SRPK2: variants seen among roughly 807,000 people sequenced by gnomAD.
SRPK2 encodes SRSF protein kinase 2.
A neutral mutation model predicts 90.8 loss-of-function variants in SRPK2; 21 were observed. The observed-to-expected ratio is 0.23, with a 90% confidence interval of 0.16 to 0.33. SRPK2 has a LOEUF of 0.33. SRPK2 is among the 10% of genes least tolerant of loss of function. The pLI, the probability that SRPK2 is intolerant of heterozygous loss-of-function variation, is 1.00. For synonymous variants in SRPK2, 288 were observed against 311.1 expected (o/e 0.93, Z 0.78); for missense variants, 620 against 869.0 (o/e 0.71, Z 3.60).
intron 1 of SRPK2, among the ~76,000 whole-genome samples, chr7:105,397,399 G>A (rs946978255): frequency 2.0e-5 from 3 of 146,398 alleles, no homozygotes; most frequent in African/African-American, 7.6e-5. Context: ...GCATGATCTC[G>A]CCTCACTGCA....
intron 2 of SRPK2, among the ~76,000 whole-genome samples, chr7:105,245,320 A>T (rs551559504): frequency 6.6e-6 from 1 of 152,144 alleles, no homozygotes; most frequent in South Asian, 2.1e-4. Context: ...TGCAGGGGAC[A>T]TGGCATCTTC....
In SRPK2 at chr7:105,143,383, T is replaced by G. The variant is rs1014023562; in HGVS notation, c.814-53A>C. On this transcript the variant is annotated intron_variant, in intron 9 of 15. Coordinates refer to ENST00000393651, the MANE Select transcript of SRPK2 (RefSeq NM_182692.3). ...TATTCTTCTTTTTAAAGCACCACGA[T>G]AGTATAACGACTAGCAGCATGGCAA... The G allele has an allele frequency of 1.9e-6, 3 of 1,576,894 alleles. No homozygotes were observed. In the Admixed American group the frequency reaches 5.6e-5, roughly 29 times the overall value.
chr7:105,145,124 A>T (rs957281293), intron 9 of SRPK2, among the ~76,000 whole-genome samples, 159 bp downstream of exon 9: 1 of 152,074 alleles, frequency 6.6e-6, no homozygotes, highest in African/African-American at 2.4e-5. Context: ...AAAAAAAAAA[A>T]AAATTAACAA....
chr7:105,378,097 T>C (rs1296153957), intron 2 of SRPK2, among the ~76,000 whole-genome samples: 1 of 152,056 alleles, frequency 6.6e-6, no homozygotes, highest in Non-Finnish European at 1.5e-5. Context: ...CCAGCCCTAC[T>C]AACCTGCTTG....
intron 15 of SRPK2, among the ~76,000 whole-genome samples, chr7:105,120,408 A>G (rs1335513470): frequency 6.6e-6 from 1 of 152,246 alleles, no homozygotes; most frequent in Non-Finnish European, 1.5e-5. Context: ...TAACAGCTGC[A>G]TAGTAACAGT....
upstream of SRPK2, chr7:105,389,394 C>T (rs766180692): frequency 8.0e-7 from 1 of 1,247,060 alleles, no homozygotes; most frequent in Non-Finnish European, 1.0e-6. Flanking sequence ...TCCTCTCCGG[C>T]AGGCGTGGAA....
intron 2 of SRPK2, among the ~76,000 whole-genome samples, chr7:105,291,875 T>C (rs1051244638): frequency 3.3e-5 from 5 of 152,208 alleles, no homozygotes; most frequent in South Asian, 2.1e-4. Flanking sequence ...AAGTTAGGGA[T>C]TGACTATTTT....
chr7:105,241,538 T>C (rs1028515527), intron 2 of SRPK2, among the ~76,000 whole-genome samples: 2 of 152,158 alleles, frequency 1.3e-5, no homozygotes, highest in Non-Finnish European at 2.9e-5. Context: ...GTGAGCATTA[T>C]CATCTTTATT....
chr7:105,167,594 T>A (rs1790239606), intron 5 of SRPK2, 130 bp from the exon 6 acceptor site: 1 of 508,428 alleles, frequency 2.0e-6, no homozygotes, highest in African/African-American at 2.0e-5. Flanking sequence ...TTATAAAAAA[T>A]AAACTTTATT....
At position 105,319,061 on chromosome 7, in the gene SRPK2, G is replaced by C. The variant is rs531046570; in HGVS notation, c.71+69587C>G. Among the ~76,000 whole-genome samples the C allele has an allele frequency of 3.3e-5, 5 of 152,210 alleles. No homozygotes were observed. In the East Asian group the frequency reaches 9.6e-4, roughly 29 times the overall value. ...AGCTAAAATAAAAACAAATCCAAAA[G>C]GGTGAAAATTAAATCTGTTGCATCT... On this transcript the variant is annotated intron_variant, in intron 2 of 15. Coordinates refer to ENST00000393651, the MANE Select transcript of SRPK2 (RefSeq NM_182692.3).
chr7:105,141,869 C>T (rs1803825939), intron 11 of SRPK2, 139 bp downstream of exon 11: 1 of 880,632 alleles, frequency 1.1e-6, no homozygotes, highest in Non-Finnish European at 1.7e-6. Context: ...ATTACTTCTT[C>T]AGGAGTATAA....
intron 2 of SRPK2, among the ~76,000 whole-genome samples, chr7:105,329,859 G>C (rs1022199725): frequency 6.6e-6 from 1 of 150,640 alleles, no homozygotes; most frequent in Non-Finnish European, 1.5e-5. Flanking sequence ...GTGAAACCCC[G>C]TCTCTACTAA....
intron 2 of SRPK2, among the ~76,000 whole-genome samples, chr7:105,252,857 C>T (rs947575371): frequency 6.6e-6 from 1 of 151,434 alleles, no homozygotes; most frequent in Non-Finnish European, 1.5e-5. Context: ...AATTCTCATG[C>T]CTCAGCCTCC....
intron 2 of SRPK2, among the ~76,000 whole-genome samples, chr7:105,226,164 G>T (rs1346901691): frequency 1.3e-5 from 2 of 150,774 alleles, no homozygotes; most frequent in African/African-American, 4.9e-5. Context: ...TTCAATAAAA[G>T]AAACATAAAA....
rs928555768 is a variant in SRPK2, at chr7:105,116,806, T to C, written c.*1032A>G. ...AAAGCTACCTATGGAATGAATGTGATCACTGTTATCTTTGAGCTGTGAGAA... is the reference window on the plus strand; with the variant it reads ...AAAGCTACCTATGGAATGAATGTGACCACTGTTATCTTTGAGCTGTGAGAA... On this transcript the variant is annotated 3_prime_UTR_variant, in exon 16 of 16. Transcript: ENST00000393651. The C allele has an allele frequency of 2.0e-5, 3 of 152,296 alleles. No individual in the cohort carries two copies. Among genetic ancestry groups the C allele is most frequent in the African/African-American group, 7.2e-5 (3 of 41,460 alleles). 9.4% of individuals were successfully genotyped at this position (152,296 alleles called of 1,614,324 possible).
At chr7:105,350,441 T>A (rs1347697452) in intron 2 of SRPK2, among the ~76,000 whole-genome samples, 1 of 151,184 alleles carries the variant, frequency 6.6e-6, no homozygotes, top group Non-Finnish European at 1.5e-5. Context: ...ACAGTGCCTA[T>A]CTTGATACAG....
rs551930504 is a variant in SRPK2 at position 105,126,721 on chromosome 7, C to A, written c.1822+272G>T. Among the ~76,000 whole-genome samples the A allele has an allele frequency of 3.3e-5, 5 of 152,338 alleles. No homozygotes were observed. The South Asian group carries it at 1.0e-3, about 32-fold the overall frequency. On this transcript the variant is annotated intron_variant, in intron 14 of 15. Transcript: ENST00000393651. ...GCTTCAGGTCTGTATCATCTGTCTTCTCTCAGCCAGCTGGGTTCCTGCCCT... is the reference window on the plus strand; with the variant it reads ...GCTTCAGGTCTGTATCATCTGTCTTATCTCAGCCAGCTGGGTTCCTGCCCT...
In SRPK2 at chr7:105,132,035, G is replaced by A. The variant is rs371090586; in HGVS notation, c.1752+756C>T. ...ACAGGTTCAGGGTCAATGACCAAAC[G>A]ATGCCAGGCAGGGCCAGGGGAGTTT... On this transcript the variant is annotated intron_variant, in intron 13 of 15. Coordinates refer to ENST00000393651, the MANE Select transcript of SRPK2 (RefSeq NM_182692.3). Among the ~76,000 whole-genome samples the A allele has an allele frequency of 9.9e-5, 15 of 152,164 alleles. No homozygotes were observed. In the East Asian group the frequency reaches 1.3e-3, roughly 14 times the overall value.
chr7:105,189,708 G>C (rs1182881980), intron 3 of SRPK2: 1 of 152,438 alleles, frequency 6.6e-6, no homozygotes, highest in Non-Finnish European at 1.5e-5. Flanking sequence ...GGAGGCGGAG[G>C]TTGCAGTGAC....
Sources: gnomAD v4.1 joint callset for allele counts (sites outside exome capture counted in the v4.1 genomes callset) on GRCh38, gnomAD v4.1.1 for gene constraint, MANE v1.5 for transcripts, NCBI Gene and HGNC (gene_info 2026-07-23, HGNC 2026-07-21) for gene names.